GNB1L: variants seen among roughly 807,000 people sequenced by gnomAD.
GNB1L encodes the protein G protein subunit beta 1 like, also known as guanine nucleotide-binding protein subunit beta-like protein 1.
In GNB1L, 20 loss-of-function variants were observed where a neutral mutation model predicts 29.1. The observed-to-expected ratio is 0.69, with a 90% CI of 0.48 to 1.00. The LOEUF (loss-of-function observed/expected upper bound fraction) is 1.00. Ranked by LOEUF, GNB1L falls within the 50% of genes least tolerant of loss-of-function variation. The pLI is 0.00. For missense variants in GNB1L, 421 were observed against 464.9 expected, an observed-to-expected ratio of 0.91 and a Z score of 0.87; for synonymous variants, 193 against 206.5, an observed-to-expected ratio of 0.93 and a Z score of 0.56.
chr22:19,799,771 CCGGGTG>C (rs1222665696), intron 7 of GNB1L, among the ~76,000 whole-genome samples: 1 of 152,194 alleles, frequency 6.6e-6, no homozygotes, highest in Non-Finnish European at 1.5e-5. Flanking sequence ...TTGCTTGCTC[CCGGGTG>C]GCAAGAACGC....
At chr22:19,840,626 A>G (rs1443459369) in intron 2 of GNB1L, among the ~76,000 whole-genome samples, 3 of 152,110 alleles carry the variant, frequency 2.0e-5, no homozygotes, top group Admixed American at 1.3e-4. Context: ...CCTGGCCAAC[A>G]TGGTGAAATG....
At chr22:19,829,881 A>T (rs898076984) in intron 2 of GNB1L, among the ~76,000 whole-genome samples, 1 of 152,128 alleles carries the variant, frequency 6.6e-6, no homozygotes, top group Admixed American at 6.6e-5. Flanking sequence ...CTTGGTCCTA[A>T]ATCCAACATA....
At chr22:19,851,007 T>A in intron 2 of GNB1L, 2 of 1,419,268 alleles carry the variant, frequency 1.4e-6, no homozygotes, top group Admixed American at 2.9e-5. Context: ...GGGGAGCTGG[T>A]TCTGCTCAGC....
In GNB1L at chr22:19,816,566, C is replaced by T. The variant is rs545672492; in HGVS notation, c.254+4032G>A. 2.0e-4 allele frequency among the ~76,000 whole-genome samples: 30 copies of T among 152,248 alleles called. No homozygotes were observed. Among genetic ancestry groups the T allele is most frequent in the Non-Finnish European group, 2.9e-4 (20 of 67,992 alleles). ...CCCAGCCACCAGGCCCCTCCGCACA[C>T]GGGCTAGGGAACACACACATGCCTC... On this transcript the variant is annotated intron_variant, in intron 4 of 7. Transcript: ENST00000329517. This position sits in a 1 kb window ranked among gnomAD's most constrained non-coding sequence, Gnocchi z 4.4.
At chr22:19,807,358 G>A (rs1430083434) in intron 5 of GNB1L, among the ~76,000 whole-genome samples, 1 of 152,138 alleles carries the variant, frequency 6.6e-6, no homozygotes, top group Non-Finnish European at 1.5e-5. Flanking sequence ...TGAACAGCCA[G>A]GTCAGGGGAT....
At chr22:19,835,191 A>ACT (rs956420558) in intron 2 of GNB1L, among the ~76,000 whole-genome samples, 3 of 152,158 alleles carry the variant, frequency 2.0e-5, no homozygotes, top group African/African-American at 7.2e-5. Flanking sequence ...CTCCTTAGTA[A>ACT]CTGACTGAAC....
At chr22:19,829,700 A>G (rs1000653996) in intron 2 of GNB1L, among the ~76,000 whole-genome samples, 2 of 152,210 alleles carry the variant, frequency 1.3e-5, no homozygotes, top group Non-Finnish European at 2.9e-5. Context: ...GGAATTTATG[A>G]AAGCCATATA....
chr22:19,791,252 T>C (rs1453567755), intron 7 of GNB1L, among the ~76,000 whole-genome samples: 1 of 152,144 alleles, frequency 6.6e-6, no homozygotes, highest in Non-Finnish European at 1.5e-5. Flanking sequence ...CCAAAATAAC[T>C]GTAAATATCT....
intron 2 of GNB1L, among the ~76,000 whole-genome samples, chr22:19,844,510 C>T (rs77228658): frequency 0.011 from 1,680 of 152,336 alleles, 25 homozygotes; most frequent in African/African-American, 0.038. Flanking sequence ...GCCAGGCAGG[C>T]GCTGAGGCTG....
intron 7 of GNB1L, among the ~76,000 whole-genome samples, chr22:19,801,653 G>GTTTT (rs546357448): frequency 1.5e-5 from 2 of 137,712 alleles, no homozygotes; most frequent in African/African-American, 2.7e-5. Flanking sequence ...TTCCACACTG[G>GTTTT]TTTTTTTTTT....
intron 2 of GNB1L, chr22:19,851,808 C>A (rs1366876583): frequency 6.2e-7 from 1 of 1,613,910 alleles, no homozygotes; most frequent in African/African-American, 1.3e-5. Context: ...GCTGCCCAGG[C>A]CTGGGCTCGG....
chr22:19,839,804 C>T (rs1302096511), intron 2 of GNB1L, among the ~76,000 whole-genome samples: 3 of 151,800 alleles, frequency 2.0e-5, no homozygotes, highest in African/African-American at 7.3e-5. Context: ...CACCTGAACC[C>T]AGGAGGTGGA....
intron 4 of GNB1L, among the ~76,000 whole-genome samples, 160 bp downstream of exon 4, chr22:19,820,438 G>C (rs985466226): frequency 6.6e-6 from 1 of 152,158 alleles, no homozygotes; most frequent in Non-Finnish European, 1.5e-5. Flanking sequence ...TGTGACAAGG[G>C]GCTGGACCTG....
At chr22:19,797,906 G>A (rs572955720) in intron 7 of GNB1L, among the ~76,000 whole-genome samples, 4 of 151,990 alleles carry the variant, frequency 2.6e-5, no homozygotes, top group South Asian at 4.2e-4. Context: ...CATCCCAGAC[G>A]CTCTGCCTGT....
intron 2 of GNB1L, among the ~76,000 whole-genome samples, chr22:19,835,385 A>AAAAC (rs1185822743): frequency 6.7e-6 from 1 of 149,566 alleles, no homozygotes. Flanking sequence ...AAAAAAAAAA[A>AAAAC]AAACAAACAA....
At chr22:19,819,991 G>A (rs1443373277) in intron 4 of GNB1L, among the ~76,000 whole-genome samples, 1 of 152,120 alleles carries the variant, frequency 6.6e-6, no homozygotes, top group East Asian at 1.9e-4. Flanking sequence ...TCAGGGGCTG[G>A]GTCCTCTTGG....
chr22:19,797,909 C>G (rs538856265), intron 7 of GNB1L, among the ~76,000 whole-genome samples: 1 of 152,210 alleles, frequency 6.6e-6, no homozygotes, highest in Non-Finnish European at 1.5e-5. Context: ...CCCAGACGCT[C>G]TGCCTGTCCT....
intron 2 of GNB1L, among the ~76,000 whole-genome samples, chr22:19,843,545 T>C (rs2145898588): frequency 6.6e-6 from 1 of 152,096 alleles, no homozygotes; most frequent in South Asian, 2.1e-4. Flanking sequence ...TGGCGGGGAA[T>C]AAGGTATGCC....
intron 7 of GNB1L, among the ~76,000 whole-genome samples, chr22:19,797,583 T>C (rs897790321): frequency 6.6e-6 from 1 of 152,172 alleles, no homozygotes; most frequent in Non-Finnish European, 1.5e-5. Context: ...GGCGAGGAGA[T>C]GCCACCAAAC....
Sources: gnomAD v4.1 joint callset for allele counts (sites outside exome capture counted in the v4.1 genomes callset) on GRCh38, gnomAD v4.1.1 for gene constraint, Gnocchi (gnomAD v3.1) non-coding constraint, MANE v1.5 for transcripts, NCBI Gene and HGNC (gene_info 2026-07-23, HGNC 2026-07-21) for gene names.